SMAD4: variants seen among roughly 807,000 people sequenced by gnomAD.
SMAD4 encodes the protein MAD homolog 4.
SMAD4 carries 7 observed loss-of-function variants against 63.2 expected under a neutral mutation model. The observed-to-expected ratio is 0.11, with a 90% CI of 0.06 to 0.21. SMAD4 has a LOEUF of 0.21. Among genes scored for constraint, SMAD4 ranks in the 10% least tolerant of loss-of-function variants. SMAD4 has a pLI of 1.00. For synonymous variants in SMAD4, 215 were observed against 235.4 expected, an observed-to-expected ratio of 0.91 and a Z score of 0.79; for missense variants, 312 against 693.8, an observed-to-expected ratio of 0.45 and a Z score of 6.18.
chr18:51,070,811 G>T (rs1265219096), intron 10 of SMAD4, among the ~76,000 whole-genome samples: 1 of 152,100 alleles, frequency 6.6e-6, no homozygotes, highest in African/African-American at 2.4e-5. Context: ...GACTGTCATG[G>T]TCTCACAGTG....
chr18:51,031,169 C>T (rs1909038581), intron 1 of SMAD4, among the ~76,000 whole-genome samples: 1 of 152,172 alleles, frequency 6.6e-6, no homozygotes, highest in Admixed American at 6.5e-5. Flanking sequence ...TAGCACCTAA[C>T]TGAACCCCTC....
chr18:51,043,968 T>G (rs1376642554), intron 1 of SMAD4, among the ~76,000 whole-genome samples: 1 of 152,188 alleles, frequency 6.6e-6, no homozygotes, highest in Non-Finnish European at 1.5e-5. Flanking sequence ...TGCTGGGAAT[T>G]TCTAAAATGA....
chr18:51,050,778 A>G (rs2144410554), intron 4 of SMAD4, among the ~76,000 whole-genome samples: 1 of 151,744 alleles, frequency 6.6e-6, no homozygotes, highest in East Asian at 1.9e-4. Flanking sequence ...GGTCAGAAAT[A>G]CTAGGTGACC....
chr18:51,069,806 G>A (rs542634513), intron 10 of SMAD4, among the ~76,000 whole-genome samples: 9 of 152,238 alleles, frequency 5.9e-5, no homozygotes, highest in African/African-American at 1.9e-4. Context: ...CCCACTTGTA[G>A]CCCCCAGAGA....
intron 1 of SMAD4, among the ~76,000 whole-genome samples, chr18:51,041,358 C>T (rs1238406512): frequency 1.3e-5 from 2 of 152,200 alleles, no homozygotes; most frequent in Non-Finnish European, 2.9e-5. Flanking sequence ...TGTCCCCTGG[C>T]ACATGGTAGT....
intron 1 of SMAD4, among the ~76,000 whole-genome samples, chr18:51,035,005 C>T (rs970866333): frequency 1.3e-5 from 2 of 152,202 alleles, no homozygotes; most frequent in African/African-American, 4.8e-5. Flanking sequence ...CTGACTTTTT[C>T]TTTTGAACTG....
rs1910694140 is a variant in SMAD4, at chr18:51,084,265, ATAT to A, written c.*5802_*5804del. 4.4e-6 allele frequency: 1 copy of A among 228,876 alleles called. No individual in the cohort carries two copies. The highest frequency in any genetic ancestry group is 8.7e-6 in the Non-Finnish European group (1 of 115,410). The allele number at this position is 228,876 out of a possible 1,614,324, so 14.2% of individuals were successfully genotyped here. ...GAAAACCTGTTGTTAATGCTTAGTG[ATAT>A]TATGCTCAAAACAAGGAAATTCCCT... is the stretch of plus-strand genomic sequence containing the variant. On this transcript the variant is annotated 3_prime_UTR_variant, in exon 12 of 12. Coordinates refer to ENST00000342988, the MANE Select transcript of SMAD4 (RefSeq NM_005359.6).
At chr18:51,040,260 C>T (rs886433961) in intron 1 of SMAD4, among the ~76,000 whole-genome samples, 2 of 151,898 alleles carry the variant, frequency 1.3e-5, no homozygotes, top group Non-Finnish European at 2.9e-5. Context: ...CTTGTCTCTG[C>T]TAATAATACA....
At chr18:51,069,797 C>G (rs1910268741) in intron 10 of SMAD4, among the ~76,000 whole-genome samples, 1 of 152,160 alleles carries the variant, frequency 6.6e-6, no homozygotes, top group Non-Finnish European at 1.5e-5. Flanking sequence ...GGGCAGGTGC[C>G]CACTTGTAGC....
intron 8 of SMAD4, among the ~76,000 whole-genome samples, chr18:51,065,159 C>T (rs1910113651): frequency 6.6e-6 from 1 of 151,554 alleles, no homozygotes; most frequent in Admixed American, 6.6e-5. Context: ...ACTTTTAGAA[C>T]TTGAGGATAA....
At chr18:51,035,983 C>T (rs962688188) in intron 1 of SMAD4, among the ~76,000 whole-genome samples, 1 of 152,038 alleles carries the variant, frequency 6.6e-6, no homozygotes, top group Non-Finnish European at 1.5e-5. Flanking sequence ...CTTATCCTTA[C>T]TGCTTTATTT....
At chr18:51,058,484 T>A in intron 7 of SMAD4, 28 bp downstream of exon 7, 2 of 1,398,638 alleles carry the variant, frequency 1.4e-6, no homozygotes, top group Non-Finnish European at 2.0e-6. Context: ...TTGTAAGGGC[T>A]ATTTTTTTTT....
intron 9 of SMAD4, chr18:51,066,813 T>C (rs748155779): frequency 9.2e-6 from 5 of 542,106 alleles, no homozygotes; most frequent in Non-Finnish European, 1.6e-5. Context: ...TCCTGACACA[T>C]AGTAAGTGTT....
At chr18:51,071,998 A>C (rs1320228440) in intron 10 of SMAD4, among the ~76,000 whole-genome samples, 1 of 152,180 alleles carries the variant, frequency 6.6e-6, no homozygotes, top group African/African-American at 2.4e-5. Context: ...TTTGTTCATC[A>C]GTTTATCCAT....
chr18:51,053,072 C>G (rs1476962913), intron 4 of SMAD4: 1 of 152,094 alleles, frequency 6.6e-6, no homozygotes, highest in African/African-American at 2.4e-5. Flanking sequence ...ATATTTAGGG[C>G]AAGAAAGATT....
chr18:51,076,191 G>A (rs901966550), intron 10 of SMAD4, among the ~76,000 whole-genome samples: 1 of 151,952 alleles, frequency 6.6e-6, no homozygotes, highest in Admixed American at 6.6e-5. Flanking sequence ...CTTATATAGC[G>A]ACAGTGCCAT....
chr18:51,048,672 GT>G lies in SMAD4; in HGVS notation c.250-11del. ...TAATGTGACACATGAATAAATGGTC[GT>G]TTATTTTTCTAGGTGGCTGGTCGGA... On this transcript the variant is annotated splice_polypyrimidine_tract_variant and intron_variant, in intron 2 of 11. Transcript: ENST00000342988. 6.2e-7 allele frequency: 1 copy of G among 1,609,428 alleles called. No individual in the cohort carries two copies. The highest frequency in any genetic ancestry group is 8.5e-7 in the Non-Finnish European group (1 of 1,176,630).
chr18:51,050,839 A>T (rs1909689557), intron 4 of SMAD4, among the ~76,000 whole-genome samples: 1 of 150,874 alleles, frequency 6.6e-6, no homozygotes, highest in South Asian at 2.1e-4. Context: ...TTTTTTTTCC[A>T]CCTTTCTCCC....
chr18:51,035,559 T>A (rs964264269), intron 1 of SMAD4, among the ~76,000 whole-genome samples: 61 of 152,314 alleles, frequency 4.0e-4, no homozygotes, highest in African/African-American at 1.4e-3. Context: ...GCAAATTGTC[T>A]TCTTAGGGCG....
Sources: gnomAD v4.1 joint callset for allele counts (sites outside exome capture counted in the v4.1 genomes callset) on GRCh38, gnomAD v4.1.1 for gene constraint, MANE v1.5 for transcripts, NCBI Gene and HGNC (gene_info 2026-07-23, HGNC 2026-07-21) for gene names.